Variants in NRXN1 observed in about 807,000 individuals in gnomAD.
NRXN1 encodes neurexin-1.
NRXN1 carries 39 observed loss-of-function variants against 150.9 expected under a neutral mutation model. That is an observed-to-expected ratio of 0.26 (90% CI 0.20 to 0.34). NRXN1 has a LOEUF of 0.34. Ranked by LOEUF, NRXN1 falls within the 10% of genes least tolerant of loss-of-function variation. The pLI, the probability that NRXN1 is intolerant of heterozygous loss-of-function variation, is 1.00. For missense variants in NRXN1, 1,815 were observed against 1,949.9 expected, an observed-to-expected ratio of 0.93 and a Z score of 1.30; for synonymous variants, 924 against 757.0, an observed-to-expected ratio of 1.22 and a Z score of -3.62.
intron 5 of NRXN1, among the ~76,000 whole-genome samples, chr2:50,734,124 C>A (rs544263286): frequency 6.6e-6 from 1 of 152,072 alleles, no homozygotes; most frequent in Non-Finnish European, 1.5e-5. Flanking sequence ...AGTGAGTAGA[C>A]GCCAAGGATA....
chr2:50,317,552 G>A (rs2075712425), intron 17 of NRXN1, among the ~76,000 whole-genome samples: 1 of 151,662 alleles, frequency 6.6e-6, no homozygotes, highest in South Asian at 2.1e-4. Context: ...TTAAAATAAA[G>A]CTATTTCAAA....
At chr2:50,915,732 T>C (rs1685128316) in intron 5 of NRXN1, among the ~76,000 whole-genome samples, 1 of 151,270 alleles carries the variant, frequency 6.6e-6, no homozygotes, top group Admixed American at 6.6e-5. Flanking sequence ...AGATTACAGA[T>C]CAATCGTTTT....
At chr2:49,974,201 A>C in intron 21 of NRXN1, 1 of 702,294 alleles carries the variant, frequency 1.4e-6, no homozygotes, top group South Asian at 1.5e-5. Flanking sequence ...AAGACACAGA[A>C]AACGCTCTGT....
intron 18 of NRXN1, among the ~76,000 whole-genome samples, chr2:50,094,261 G>A (rs531446849): frequency 6.6e-6 from 1 of 152,294 alleles, no homozygotes; most frequent in Non-Finnish European, 1.5e-5. Flanking sequence ...GTCTTGCAAA[G>A]GAGAACACTG....
intron 8 of NRXN1, among the ~76,000 whole-genome samples, chr2:50,618,344 C>G (rs1679377423): frequency 6.6e-6 from 1 of 152,234 alleles, no homozygotes; most frequent in South Asian, 2.1e-4. Context: ...TTCTGTGTTT[C>G]TCTCCTTGTC....
rs1698322472 is a variant in NRXN1, at chr2:50,083,712, A to AGCTGACTGGTCCGTTTTGAGAGGGT, written c.3718+7586_3718+7610dup. On this transcript the variant is annotated intron_variant, in intron 19 of 22. Coordinates refer to ENST00000401669, the MANE Select transcript of NRXN1 (RefSeq NM_001330078.2). ...GAGCCGATTGGTCTGTTTTTCAGAG[A>AGCTGACTGGTCCGTTTTGAGAGGGT]GCTGACTGGTCCGTTTTGAGAGGGT... Among the ~76,000 whole-genome samples, 3 of 152,240 alleles carry AGCTGACTGGTCCGTTTTGAGAGGGT rather than the reference A, an allele frequency of 2.0e-5. No homozygotes were observed. The East Asian group carries it at 5.8e-4, about 29-fold the overall frequency.
At chr2:50,327,993 T>A (rs1465483185) in intron 17 of NRXN1, among the ~76,000 whole-genome samples, 2 of 152,084 alleles carry the variant, frequency 1.3e-5, no homozygotes, top group Non-Finnish European at 2.9e-5. Context: ...CTTTTTCTTA[T>A]ATTTTTTATA....
At chr2:50,139,426 A>G (rs992689968) in intron 18 of NRXN1, among the ~76,000 whole-genome samples, 1 of 152,140 alleles carries the variant, frequency 6.6e-6, no homozygotes, top group East Asian at 1.9e-4. Context: ...TCATTAATCT[A>G]AAATATTCAC....
At chr2:50,558,213 A>G (rs1341758526) in intron 8 of NRXN1, among the ~76,000 whole-genome samples, 5 of 152,206 alleles carry the variant, frequency 3.3e-5, no homozygotes, top group African/African-American at 1.2e-4. Context: ...TTACCTAGAA[A>G]ATAGGTAACA....
At chr2:50,248,144 C>T (rs1002326440) in intron 17 of NRXN1, among the ~76,000 whole-genome samples, 1 of 152,022 alleles carries the variant, frequency 6.6e-6, no homozygotes, top group African/African-American at 2.4e-5. Context: ...TCCTGAGTAG[C>T]TGGGGCTTCA....
At chr2:50,985,885 C>T (rs530666640) in intron 2 of NRXN1, among the ~76,000 whole-genome samples, 15 of 151,610 alleles carry the variant, frequency 9.9e-5, no homozygotes, top group Admixed American at 2.0e-4. Flanking sequence ...CCATATATGA[C>T]TTACAAAATG....
At chr2:50,575,781 T>G (rs1671356552) in intron 8 of NRXN1, among the ~76,000 whole-genome samples, 2 of 152,182 alleles carry the variant, frequency 1.3e-5, no homozygotes, top group Admixed American at 6.5e-5. Flanking sequence ...TCAATAAATG[T>G]TTATTCAATG....
At chr2:50,178,532 C>T (rs1574341304) in intron 18 of NRXN1, among the ~76,000 whole-genome samples, 1 of 152,024 alleles carries the variant, frequency 6.6e-6, no homozygotes, top group Admixed American at 6.6e-5. Context: ...ATATTCTATT[C>T]TCTCTTTCAG....
At chr2:50,136,542 C>A (rs988789252) in intron 18 of NRXN1, among the ~76,000 whole-genome samples, 3 of 152,152 alleles carry the variant, frequency 2.0e-5, no homozygotes, top group Non-Finnish European at 4.4e-5. Flanking sequence ...TGGTAATGCA[C>A]CATACTCTAA....
At chr2:50,003,938 T>C (rs1341817859) in intron 21 of NRXN1, among the ~76,000 whole-genome samples, 1 of 152,154 alleles carries the variant, frequency 6.6e-6, no homozygotes, top group African/African-American at 2.4e-5. Context: ...TTTAGAACTA[T>C]TTCCTGACAA....
intron 5 of NRXN1, among the ~76,000 whole-genome samples, chr2:50,817,062 C>G (rs1669040570): frequency 6.6e-6 from 1 of 151,936 alleles, no homozygotes. Context: ...CCATCTCTCC[C>G]CATGTTTTCA....
chr2:50,965,806 A>G (rs1321082837), intron 2 of NRXN1, among the ~76,000 whole-genome samples: 1 of 151,624 alleles, frequency 6.6e-6, no homozygotes, highest in Non-Finnish European at 1.5e-5. Flanking sequence ...GAAACGCTTA[A>G]AATTTTAAGA....
rs541714702 is a variant in NRXN1 at position 49,983,727 on chromosome 2, T to C, written c.4129-39936A>G. On this transcript the variant is annotated intron_variant, in intron 21 of 22. Coordinates refer to ENST00000401669, the MANE Select transcript of NRXN1 (RefSeq NM_001330078.2). ...AACCACCTGTGGAGAACACAGCATG[T>C]ACATGGCCCCACTGTAGATGGAATA... Among the ~76,000 whole-genome samples the C allele has an allele frequency of 2.0e-5, 3 of 152,340 alleles. No homozygotes were observed. In the South Asian group the frequency reaches 6.2e-4, roughly 32 times the overall value.
At chr2:50,972,285 G>A (rs1695126563) in intron 2 of NRXN1, among the ~76,000 whole-genome samples, 1 of 152,054 alleles carries the variant, frequency 6.6e-6, no homozygotes, top group African/African-American at 2.4e-5. Context: ...ATAAATACAT[G>A]TTAATATTAA....
Sources: gnomAD v4.1 joint callset for allele counts (sites outside exome capture counted in the v4.1 genomes callset) on GRCh38, gnomAD v4.1.1 for gene constraint, MANE v1.5 for transcripts, NCBI Gene and HGNC (gene_info 2026-07-23, HGNC 2026-07-21) for gene names.